VTI1A: variants seen among roughly 807,000 people sequenced by gnomAD.
The protein encoded by VTI1A is vesicle transport through interaction with t-SNAREs 1A, also known as vesicle transport through interaction with t-SNAREs homolog 1A.
Under a neutral mutation model 34.9 loss-of-function variants are expected in VTI1A, and 22 were observed. The observed-to-expected ratio is 0.63, with a 90% confidence interval of 0.45 to 0.90. VTI1A has a LOEUF of 0.90. Among genes scored for constraint, VTI1A ranks in the 40% least tolerant of loss-of-function variants. The probability of loss-of-function intolerance (pLI) is 0.00; values close to 1 mark genes in which losing one functional copy is unlikely to be tolerated. For synonymous variants in VTI1A, 87 were observed against 97.3 expected (o/e 0.89, Z 0.62); for missense variants, 268 against 275.6 (o/e 0.97, Z 0.20).
chr10:112,731,557 A>G (rs1850261227), intron 7 of VTI1A, among the ~76,000 whole-genome samples: 1 of 148,166 alleles, frequency 6.7e-6, no homozygotes, highest in Admixed American at 6.7e-5. Flanking sequence ...CCTGGGCAAC[A>G]AGAGTGAAAC....
At chr10:112,744,412 A>G (rs1036651631) in intron 7 of VTI1A, among the ~76,000 whole-genome samples, 4 of 150,414 alleles carry the variant, frequency 2.7e-5, no homozygotes, top group African/African-American at 9.8e-5. Flanking sequence ...CGGAAGTGAT[A>G]TGGAACATAT....
intron 7 of VTI1A, among the ~76,000 whole-genome samples, chr10:112,753,127 G>A (rs1299908218): frequency 6.6e-6 from 1 of 151,980 alleles, no homozygotes; most frequent in Non-Finnish European, 1.5e-5. Flanking sequence ...TGAGGCAATG[G>A]TGTTATATGA....
chr10:112,566,259 C>A (rs929186955), intron 5 of VTI1A, among the ~76,000 whole-genome samples: 1 of 152,068 alleles, frequency 6.6e-6, no homozygotes, highest in Non-Finnish European at 1.5e-5. Context: ...CATATTGAGA[C>A]TAGCTAACAT....
intron 5 of VTI1A, among the ~76,000 whole-genome samples, chr10:112,650,017 CTT>C (rs1185038796): frequency 1.3e-5 from 2 of 152,190 alleles, no homozygotes. Flanking sequence ...ACACTGGACA[CTT>C]TGACTACACT....
At chr10:112,570,402 A>C (rs78601482) in intron 5 of VTI1A, among the ~76,000 whole-genome samples, 1 of 152,180 alleles carries the variant, frequency 6.6e-6, no homozygotes, top group Non-Finnish European at 1.5e-5. Flanking sequence ...TAATATTGGC[A>C]TTCTAGTAGT....
At chr10:112,758,081 A>G (rs1851348261) in intron 7 of VTI1A, among the ~76,000 whole-genome samples, 2 of 152,232 alleles carry the variant, frequency 1.3e-5, no homozygotes, top group Admixed American at 6.5e-5. Context: ...AATAGCAGTT[A>G]TGCAATAACT....
intron 7 of VTI1A, among the ~76,000 whole-genome samples, chr10:112,683,900 G>A (rs1209340674): frequency 9.9e-5 from 15 of 152,028 alleles, no homozygotes; most frequent in African/African-American, 3.4e-4. Flanking sequence ...AAAATTGGCC[G>A]GGCATATTGC....
intron 5 of VTI1A, among the ~76,000 whole-genome samples, chr10:112,564,689 G>A (rs1179426192): frequency 6.6e-6 from 1 of 152,060 alleles, no homozygotes; most frequent in Non-Finnish European, 1.5e-5. Context: ...CTCTGCATGA[G>A]GAGAGAAAAG....
chr10:112,717,195 G>T (rs1316528822), intron 7 of VTI1A, among the ~76,000 whole-genome samples: 2 of 152,214 alleles, frequency 1.3e-5, no homozygotes, highest in African/African-American at 4.8e-5. Flanking sequence ...AGGCGTCTTT[G>T]CCCATTACAT....
At chr10:112,669,298 C>T (rs938728129) in intron 7 of VTI1A, among the ~76,000 whole-genome samples, 7 of 152,104 alleles carry the variant, frequency 4.6e-5, no homozygotes, top group Admixed American at 4.6e-4. Context: ...CAGCAGCAGG[C>T]TGATTTTATT....
intron 7 of VTI1A, among the ~76,000 whole-genome samples, chr10:112,811,832 G>C (rs1853327244): frequency 6.6e-6 from 1 of 152,040 alleles, no homozygotes; most frequent in Non-Finnish European, 1.5e-5. Context: ...CAGGTGCAGT[G>C]CCGCGCCTGT....
intron 7 of VTI1A, among the ~76,000 whole-genome samples, chr10:112,740,564 C>T (rs145512076): frequency 1.1e-3 from 164 of 152,334 alleles, no homozygotes; most frequent in African/African-American, 3.6e-3. Context: ...GGATTACAGG[C>T]GTGTGCCACG....
At chr10:112,527,839 A>G (rs978002557) in intron 4 of VTI1A, among the ~76,000 whole-genome samples, 2 of 152,034 alleles carry the variant, frequency 1.3e-5, no homozygotes, top group Non-Finnish European at 2.9e-5. Flanking sequence ...TTCTCATTGG[A>G]TCATACCGTA....
chr10:112,537,955 GT>G (rs1232083746), intron 4 of VTI1A, among the ~76,000 whole-genome samples: 2 of 152,154 alleles, frequency 1.3e-5, no homozygotes, highest in African/African-American at 4.8e-5. Flanking sequence ...CAAAGATCCA[GT>G]TGGGTATGGT....
chr10:112,728,869 T>A (rs1850142583), intron 7 of VTI1A, among the ~76,000 whole-genome samples: 1 of 152,168 alleles, frequency 6.6e-6, no homozygotes, highest in African/African-American at 2.4e-5. Context: ...TTTTTTTTAA[T>A]CTGCACAATA....
intron 7 of VTI1A, among the ~76,000 whole-genome samples, chr10:112,712,040 C>G (rs1849435393): frequency 6.6e-6 from 1 of 151,734 alleles, no homozygotes; most frequent in African/African-American, 2.4e-5. Context: ...GCCTCAGCAC[C>G]CTTGCTATTC....
the VTI1A span, among the ~76,000 whole-genome samples, chr10:112,844,356 C>G: frequency 6.6e-6 from 1 of 152,184 alleles, no homozygotes; most frequent in African/African-American, 2.4e-5. Flanking sequence ...AAACATGAAG[C>G]CTGGATCTTT....
At position 112,458,489 on chromosome 10, in the gene VTI1A, T is replaced by A. The variant is rs146144156; in HGVS notation, c.95-2035T>A. ...CAAGTTGAATTGTAATCCCAAAGGCTTATTTTTCTTAGGGAGAAATATTGT... is the reference window on the plus strand; with the variant it reads ...CAAGTTGAATTGTAATCCCAAAGGCATATTTTTCTTAGGGAGAAATATTGT... On this transcript the variant is annotated intron_variant, in intron 1 of 7. Coordinates refer to ENST00000393077, the MANE Select transcript of VTI1A (RefSeq NM_145206.4). 6.9e-3 allele frequency among the ~76,000 whole-genome samples: 1,053 copies of A among 152,228 alleles called. 14 individuals carry two copies. The highest frequency in any genetic ancestry group is 0.025 in the African/African-American group (1,024 of 41,532).
intron 7 of VTI1A, among the ~76,000 whole-genome samples, chr10:112,762,400 A>T (rs1393575896): frequency 6.6e-6 from 1 of 152,218 alleles, no homozygotes; most frequent in African/African-American, 2.4e-5. Flanking sequence ...AAACACGAAG[A>T]CAGAGAGGTT....
Sources: gnomAD v4.1 joint callset for allele counts (sites outside exome capture counted in the v4.1 genomes callset) on GRCh38, gnomAD v4.1.1 for gene constraint, MANE v1.5 for transcripts, NCBI Gene and HGNC (gene_info 2026-07-23, HGNC 2026-07-21) for gene names.